The following CALN1 variants were observed in gnomAD, a reference collection of about 807,000 sequenced individuals.
The protein encoded by CALN1 is calcium-binding protein 8.
CALN1 carries 17 observed loss-of-function variants against 30.6 expected under a neutral mutation model. The observed-to-expected ratio is 0.56, with a 90% CI of 0.38 to 0.83. CALN1 has a LOEUF of 0.83. Among genes scored for constraint, CALN1 ranks in the 40% least tolerant of loss-of-function variants. CALN1 has a pLI of 0.00. For missense variants in CALN1, 291 were observed against 354.9 expected (o/e 0.82, Z 1.45); for synonymous variants, 156 against 131.4 (o/e 1.19, Z -1.28).
intron 4 of CALN1, among the ~76,000 whole-genome samples, chr7:72,066,064 T>C (rs995190399): frequency 2.0e-5 from 3 of 152,260 alleles, no homozygotes; most frequent in Non-Finnish European, 2.9e-5. Flanking sequence ...CCTGCACCTG[T>C]GCTGGAAACT....
chr7:72,475,941 C>CTCTCTTT, the CALN1 span, among the ~76,000 whole-genome samples: 1 of 75,850 alleles, frequency 1.3e-5, no homozygotes, highest in African/African-American at 6.4e-5. Flanking sequence ...CTCTCTCTCT[C>CTCTCTTT]TTTTTTTTTT....
chr7:72,353,924 C>G (rs1803079860), intron 2 of CALN1, among the ~76,000 whole-genome samples: 1 of 152,162 alleles, frequency 6.6e-6, no homozygotes, highest in Middle Eastern at 3.2e-3. Flanking sequence ...TAGTGGCTCA[C>G]ACCTGTAATC....
At chr7:72,143,580 A>G (rs1429588614) in intron 3 of CALN1, among the ~76,000 whole-genome samples, 1 of 152,228 alleles carries the variant, frequency 6.6e-6, no homozygotes, top group Non-Finnish European at 1.5e-5. Context: ...AACTTCCCCA[A>G]TCTAGCAAGG....
chr7:72,308,370 G>GGGAGA (rs1554362841), intron 2 of CALN1, among the ~76,000 whole-genome samples: 13 of 90,310 alleles, frequency 1.4e-4, no homozygotes, highest in Middle Eastern at 5.2e-3. Flanking sequence ...TCTGTGGGGG[G>GGGAGA]GGGAGAGAGA....
chr7:72,499,757 C>T, the CALN1 span, among the ~76,000 whole-genome samples: 320 of 150,268 alleles, frequency 2.1e-3, 1 homozygote, highest in Non-Finnish European at 3.5e-3. Flanking sequence ...CTGCATACTT[C>T]CGCAAAACTT....
At chr7:72,301,228 G>A (rs1163252525) in intron 2 of CALN1, among the ~76,000 whole-genome samples, 1 of 152,138 alleles carries the variant, frequency 6.6e-6, no homozygotes, top group Non-Finnish European at 1.5e-5. Context: ...ATCTGGACTG[G>A]AGACAGGGTG....
intron 3 of CALN1, among the ~76,000 whole-genome samples, chr7:72,193,297 C>G (rs569250260): frequency 6.6e-6 from 1 of 151,972 alleles, no homozygotes; most frequent in African/African-American, 2.4e-5. Context: ...CCTGGGAGAT[C>G]GAGCCTGCAG....
At chr7:72,420,442 T>C (rs1056841797) in intron 1 of CALN1, among the ~76,000 whole-genome samples, 1 of 151,574 alleles carries the variant, frequency 6.6e-6, no homozygotes, top group Non-Finnish European at 1.5e-5. Flanking sequence ...GAAATCTGAA[T>C]CTAGGGCTCC....
intron 5 of CALN1, chr7:71,942,308 T>C: frequency 5.3e-6 from 1 of 188,014 alleles, no homozygotes; most frequent in Non-Finnish European, 1.2e-5. Context: ...GTCACCGAGG[T>C]CCTGGGCAGG....
intron 2 of CALN1, among the ~76,000 whole-genome samples, chr7:72,281,578 G>A (rs775393738): frequency 1.3e-5 from 2 of 152,160 alleles, no homozygotes; most frequent in Non-Finnish European, 2.9e-5. Context: ...CTCACCAGCT[G>A]CTACCTTAAC....
In CALN1 at chr7:71,933,424, G is replaced by A. The variant is rs368019435; in HGVS notation, c.501+90233C>T. ...TTTCGGAAGCCCCTCTCACTAGAGAGGGAGCTGTTCTCCTTTCTCTTTCTT... is the reference window on the plus strand; with the variant it reads ...TTTCGGAAGCCCCTCTCACTAGAGAAGGAGCTGTTCTCCTTTCTCTTTCTT... On this transcript the variant is annotated intron_variant, in intron 5 of 6. Transcript: ENST00000395275. Among the ~76,000 whole-genome samples, 112 of 152,284 alleles carry A rather than the reference G, an allele frequency of 7.4e-4. 1 individual carries two copies. The highest frequency in any genetic ancestry group is 2.6e-3 in the African/African-American group (108 of 41,562).
the CALN1 span, among the ~76,000 whole-genome samples, chr7:72,477,819 CCTT>C: frequency 2.0e-5 from 3 of 152,202 alleles, no homozygotes; most frequent in Non-Finnish European, 4.4e-5. Flanking sequence ...CTCAGACTCT[CCTT>C]CTCTTTTCAT....
At chr7:71,836,702 C>T (rs1290114592) in intron 5 of CALN1, among the ~76,000 whole-genome samples, 1 of 150,784 alleles carries the variant, frequency 6.6e-6, no homozygotes. Context: ...ACTGCAACCT[C>T]CGCCTTCCAG....
chr7:71,934,641 C>T (rs1027445364), intron 5 of CALN1, among the ~76,000 whole-genome samples: 10 of 152,220 alleles, frequency 6.6e-5, no homozygotes, highest in Non-Finnish European at 1.2e-4. Flanking sequence ...CCAAGCCATT[C>T]ATGAGGGATC....
chr7:72,125,796 A>ATTGT (rs779600689), intron 3 of CALN1, among the ~76,000 whole-genome samples: 2 of 93,224 alleles, frequency 2.1e-5, no homozygotes, highest in Non-Finnish European at 4.5e-5. Flanking sequence ...CCACTGTATC[A>ATTGT]TTCTTTTTTT....
At chr7:72,117,597 C>T (rs1808076454) in intron 3 of CALN1, among the ~76,000 whole-genome samples, 1 of 152,046 alleles carries the variant, frequency 6.6e-6, no homozygotes, top group African/African-American at 2.4e-5. Context: ...TCCCTTTGGC[C>T]CAAACTGGGG....
chr7:72,150,275 AAAT>A (rs1787131059), intron 3 of CALN1, among the ~76,000 whole-genome samples: 1 of 152,212 alleles, frequency 6.6e-6, no homozygotes, highest in Non-Finnish European at 1.5e-5. Context: ...TTGAATCAAT[AAAT>A]AAAAAGGAAA....
chr7:72,278,904 A>G, intron 2 of CALN1, 94 bp from the exon 3 acceptor site: 2 of 1,476,542 alleles, frequency 1.4e-6, no homozygotes, highest in Non-Finnish European at 1.8e-6. Flanking sequence ...TCAGATGGCC[A>G]GTGTCATTTT....
chr7:72,194,616 A>C (rs1790861375), intron 3 of CALN1, among the ~76,000 whole-genome samples: 1 of 133,022 alleles, frequency 7.5e-6, no homozygotes, highest in Middle Eastern at 3.8e-3. Context: ...TTTTTTTGAC[A>C]GAGTCTTGCT....
Sources: gnomAD v4.1 joint callset for allele counts (sites outside exome capture counted in the v4.1 genomes callset) on GRCh38, gnomAD v4.1.1 for gene constraint, MANE v1.5 for transcripts, NCBI Gene and HGNC (gene_info 2026-07-23, HGNC 2026-07-21) for gene names.